The following PLD5 variants were observed in gnomAD, a reference collection of about 807,000 sequenced individuals.
PLD5 encodes the protein phospholipase D family member 5.
Under a neutral mutation model 61.1 loss-of-function variants are expected in PLD5, and 36 were observed. That is an observed-to-expected ratio of 0.59 (90% confidence interval 0.45 to 0.78). PLD5 has a LOEUF of 0.78. Ranked by LOEUF, PLD5 falls within the 30% of genes least tolerant of loss-of-function variation. PLD5 has a pLI of 0.00. For synonymous variants in PLD5, 243 were observed against 242.8 expected, an observed-to-expected ratio of 1.00 and a Z score of -0.01; for missense variants, 515 against 644.4, an observed-to-expected ratio of 0.80 and a Z score of 2.17.
intron 5 of PLD5, among the ~76,000 whole-genome samples, chr1:242,150,052 A>C (rs1574398601): frequency 1.3e-5 from 2 of 151,844 alleles, no homozygotes; most frequent in Admixed American, 6.6e-5. Context: ...CACTCAAATC[A>C]AAATATTCAA....
rs188998719 is a variant in PLD5, at chr1:242,298,719, T to G, written c.327-10189A>C. ...GGTGCAAGTGGCAGCTCTCTTACCT[T>G]ATTCTAGCAAGGAGCCCCCTCCTTA... On this transcript the variant is annotated intron_variant, in intron 2 of 9. Coordinates refer to ENST00000536534, the MANE Select transcript of PLD5 (RefSeq NM_001372062.1). 5.3e-5 allele frequency among the ~76,000 whole-genome samples: 8 copies of G among 152,256 alleles called. No individual in the cohort carries two copies. The East Asian group carries it at 1.2e-3, about 22-fold the overall frequency.
At chr1:242,140,599 C>T (rs905129689) in intron 5 of PLD5, among the ~76,000 whole-genome samples, 7 of 152,090 alleles carry the variant, frequency 4.6e-5, no homozygotes, top group South Asian at 2.1e-4. Flanking sequence ...ATCACACCAC[C>T]GCACTCCAGC....
intron 4 of PLD5, among the ~76,000 whole-genome samples, chr1:242,250,007 C>T (rs1672610514): frequency 6.6e-6 from 1 of 152,148 alleles, no homozygotes; most frequent in African/African-American, 2.4e-5. Context: ...AAAGAAATTC[C>T]TTTCTAGCAT....
chr1:242,414,675 C>T (rs1016535772), intron 1 of PLD5, among the ~76,000 whole-genome samples: 1 of 152,034 alleles, frequency 6.6e-6, no homozygotes, highest in African/African-American at 2.4e-5. Flanking sequence ...ATTAACCATA[C>T]AAAAACTAAA....
At chr1:242,270,374 A>T (rs1180785126) in intron 3 of PLD5, among the ~76,000 whole-genome samples, 1 of 152,010 alleles carries the variant, frequency 6.6e-6, no homozygotes, top group Non-Finnish European at 1.5e-5. Context: ...TCATCTTACA[A>T]ACGAGGACAC....
chr1:242,271,473 G>A (rs544157406), intron 3 of PLD5, among the ~76,000 whole-genome samples: 3 of 152,052 alleles, frequency 2.0e-5, no homozygotes, highest in Admixed American at 2.0e-4. Flanking sequence ...ACATCGAGGA[G>A]AAAGAACAAC....
At chr1:242,235,426 G>T (rs1217951772) in intron 4 of PLD5, 2 of 152,162 alleles carry the variant, frequency 1.3e-5, no homozygotes, top group African/African-American at 4.8e-5. Context: ...ACTGTACCCA[G>T]CAGAAAGCTC....
Position 242,232,706 on chromosome 1 carries a change from G to T in PLD5, c.608-12591C>A, listed in dbSNP as rs115132802. Among the ~76,000 whole-genome samples, 573 of 152,154 alleles carry T rather than the reference G, an allele frequency of 3.8e-3. 2 individuals carry two copies. The highest frequency in any genetic ancestry group is 0.013 in the African/African-American group (532 of 41,506). On this transcript the variant is annotated intron_variant, in intron 4 of 9. Transcript: ENST00000536534. ...AGAAATACAAAAATGAGATGGGCAA[G>T]GTGGTGGGTGCCTGCAATCCCAGCT...
chr1:242,423,032 G>A (rs915931182), intron 1 of PLD5, among the ~76,000 whole-genome samples: 1 of 151,278 alleles, frequency 6.6e-6, no homozygotes, highest in Non-Finnish European at 1.5e-5. Context: ...TAAATTTTTA[G>A]TAGCGACAAA....
intron 1 of PLD5, among the ~76,000 whole-genome samples, chr1:242,413,934 T>C (rs1664689916): frequency 6.6e-6 from 1 of 152,138 alleles, no homozygotes; most frequent in Non-Finnish European, 1.5e-5. Context: ...ACCAAGATTT[T>C]TGTCCTGCAG....
At chr1:242,525,713 T>C (rs1572293257), upstream of PLD5, among the ~76,000 whole-genome samples, 1 of 152,318 alleles carries the variant, frequency 6.6e-6, no homozygotes, top group African/African-American at 2.4e-5. Context: ...AACTGAAGGC[T>C]CTCTAGCCCT....
chr1:242,524,325 G>A lies in PLD5; in HGVS notation c.-49C>T. On this transcript the variant is annotated 5_prime_UTR_variant, in exon 1 of 10. Transcript: ENST00000536534. ...GGCGAGCAGCGGACTCGGGACGGGC[G>A]CGCGGGGAGCCGGGCGCGGAGGGCG... 1.5e-6 allele frequency: 2 copies of A among 1,355,870 alleles called. No individual in the cohort carries two copies. The highest frequency in any genetic ancestry group is 1.9e-6 in the Non-Finnish European group (2 of 1,061,284). The allele number at this position is 1,355,870 out of a possible 1,614,324, so 84.0% of individuals were successfully genotyped here.
intron 4 of PLD5, among the ~76,000 whole-genome samples, chr1:242,265,122 C>A (rs182338525): frequency 3.3e-4 from 50 of 152,256 alleles, no homozygotes; most frequent in Admixed American, 2.8e-3. Context: ...GATTATTTTG[C>A]TTACACTAAT....
Position 242,100,799 on chromosome 1 carries a change from AAGG to A in PLD5, c.1240-20_1240-18del, listed in dbSNP as rs752698601. On this transcript the variant is annotated intron_variant, in intron 8 of 9. Transcript: ENST00000536534. Reference sequence around the variant, plus strand: ...AAAAAATTTCTGTAAGAAAAAAAAAAAGGGGGCAGGTAAATAAGAGGAACGTTT... The same window carrying A: ...AAAAAATTTCTGTAAGAAAAAAAAAAGGGCAGGTAAATAAGAGGAACGTTT... The A allele has an allele frequency of 3.2e-6, 5 of 1,551,044 alleles. No individual in the cohort carries two copies. In the African/African-American group the frequency reaches 5.5e-5, roughly 17 times the overall value.
intron 5 of PLD5, among the ~76,000 whole-genome samples, chr1:242,167,212 CTTATTAGT>C (rs1666388440): frequency 1.3e-5 from 2 of 151,970 alleles, no homozygotes; most frequent in African/African-American, 4.8e-5. Flanking sequence ...TAATAACTAA[CTTATTAGT>C]TTGTTCTCAT....
chr1:242,234,302 T>G (rs1671499311), intron 4 of PLD5, among the ~76,000 whole-genome samples: 1 of 152,116 alleles, frequency 6.6e-6, no homozygotes. Flanking sequence ...CCTCTAAGAC[T>G]TCTAAGTTCT....
At position 242,089,530 on chromosome 1, in the gene PLD5, A is replaced by G. The variant is rs1471404180; in HGVS notation, c.*324T>C. ...CCCACCTCATGCTAAGCTTCCTAAC[A>G]ACTGACCGGGTAGGTCAGCAGAAAA... On this transcript the variant is annotated 3_prime_UTR_variant, in exon 10 of 10. Transcript: ENST00000536534. The G allele has an allele frequency of 2.0e-6, 1 of 504,764 alleles. No individual in the cohort carries two copies. Among genetic ancestry groups the G allele is most frequent in the Non-Finnish European group, 3.4e-6 (1 of 290,436 alleles). The allele number at this position is 504,764 out of a possible 1,614,324, so 31.3% of individuals were successfully genotyped here.
At chr1:242,197,885 C>T (rs562985312) in intron 5 of PLD5, among the ~76,000 whole-genome samples, 2 of 152,190 alleles carry the variant, frequency 1.3e-5, no homozygotes, top group African/African-American at 2.4e-5. Context: ...CTGCCCACCT[C>T]GGTCTCCCAA....
intron 1 of PLD5, among the ~76,000 whole-genome samples, chr1:242,441,057 T>G (rs574985348): frequency 6.6e-6 from 1 of 152,342 alleles, no homozygotes; most frequent in African/African-American, 2.4e-5. Flanking sequence ...TATTTATTGG[T>G]ATGGAACAAT....
Sources: allele counts gnomAD v4.1 joint callset (sites outside exome capture counted in the v4.1 genomes callset), GRCh38; gene constraint gnomAD v4.1.1; transcripts MANE v1.5; gene names NCBI Gene and HGNC (gene_info 2026-07-23, HGNC 2026-07-21).